The following GRIP1 variants were observed in gnomAD, a reference collection of about 807,000 sequenced individuals.
GRIP1 encodes the protein glutamate receptor interacting protein 1.
GRIP1 carries 45 observed loss-of-function variants against 129.9 expected under a neutral mutation model. The ratio of observed to expected loss-of-function variants is 0.35; its 90% CI spans 0.27 to 0.44. The LOEUF (loss-of-function observed/expected upper bound fraction) is 0.44. Among genes scored for constraint, GRIP1 ranks in the 20% least tolerant of loss-of-function variants. The probability of loss-of-function intolerance (pLI) is 1.00; values close to 1 mark genes in which losing one functional copy is unlikely to be tolerated. For synonymous variants in GRIP1, 530 were observed against 520.8 expected, an observed-to-expected ratio of 1.02 and a Z score of -0.24; for missense variants, 1,196 against 1,396.8, an observed-to-expected ratio of 0.86 and a Z score of 2.29.
chr12:66,886,004 T>A (rs2040559780), intron 1 of GRIP1, among the ~76,000 whole-genome samples: 1 of 152,236 alleles, frequency 6.6e-6, no homozygotes, highest in Admixed American at 6.5e-5. Flanking sequence ...GGTTCACGCC[T>A]GTAATCCCAG....
chr12:67,063,981 C>T (rs2043579300), intron 1 of GRIP1, among the ~76,000 whole-genome samples: 1 of 152,036 alleles, frequency 6.6e-6, no homozygotes, highest in Non-Finnish European at 1.5e-5. Flanking sequence ...ACATTCAATT[C>T]TTGTTAATGC....
chr12:66,568,342 A>G (rs576444757), intron 2 of GRIP1: 1 of 177,610 alleles, frequency 5.6e-6, no homozygotes, highest in African/African-American at 2.4e-5. Context: ...TATGCAAAAA[A>G]TGTCTGCATA....
At chr12:66,368,147 A>G (rs2055261022) in intron 23 of GRIP1, among the ~76,000 whole-genome samples, 1 of 152,204 alleles carries the variant, frequency 6.6e-6, no homozygotes, top group South Asian at 2.1e-4. Flanking sequence ...AACTCTGGAG[A>G]GTAGGTTGAG....
intron 1 of GRIP1, among the ~76,000 whole-genome samples, chr12:67,042,876 A>C (rs1211971366): frequency 6.6e-6 from 1 of 152,244 alleles, no homozygotes. Context: ...ATGAGTGTCC[A>C]GAGGAACAGG....
intron 19 of GRIP1, among the ~76,000 whole-genome samples, chr12:66,385,977 G>A (rs1034884171): frequency 1.3e-5 from 2 of 152,096 alleles, no homozygotes; most frequent in African/African-American, 2.4e-5. Context: ...TTCCATATCT[G>A]ATCTTATACT....
intron 1 of GRIP1, among the ~76,000 whole-genome samples, chr12:66,946,910 G>T (rs147884070): frequency 0.026 from 3,937 of 151,882 alleles, 165 homozygotes; most frequent in African/African-American, 0.09. Context: ...CAGGCGTGGT[G>T]GTTGGCACCT....
At chr12:66,663,241 T>C (rs1255655556) in intron 1 of GRIP1, among the ~76,000 whole-genome samples, 1 of 152,228 alleles carries the variant, frequency 6.6e-6, no homozygotes. Flanking sequence ...AAAATGCTTA[T>C]ATTTTGTGAA....
At chr12:66,680,938 T>A (rs1187890273), upstream of GRIP1, among the ~76,000 whole-genome samples, 1 of 151,878 alleles carries the variant, frequency 6.6e-6, no homozygotes, top group South Asian at 2.1e-4. Context: ...AATGATCAAA[T>A]ATTTTCCCCT....
chr12:67,007,205 T>C (rs2042639482), intron 1 of GRIP1, among the ~76,000 whole-genome samples: 1 of 152,242 alleles, frequency 6.6e-6, no homozygotes, highest in East Asian at 1.9e-4. Flanking sequence ...ATTATGATTT[T>C]CTTCCTGTTG....
chr12:66,954,318 A>G (rs957832745), intron 1 of GRIP1, among the ~76,000 whole-genome samples: 13 of 152,230 alleles, frequency 8.5e-5, no homozygotes, highest in African/African-American at 3.1e-4. Flanking sequence ...GGGAAAACAA[A>G]TTCATTTGTA....
intron 7 of GRIP1, among the ~76,000 whole-genome samples, chr12:66,476,690 G>T (rs1268304508): frequency 1.7e-4 from 26 of 152,004 alleles, no homozygotes; most frequent in Non-Finnish European, 1.0e-4. Flanking sequence ...TGATCAAGTG[G>T]GCTTCATCCC....
intron 8 of GRIP1, among the ~76,000 whole-genome samples, chr12:66,463,301 A>C (rs1004485563): frequency 4.6e-5 from 7 of 151,996 alleles, no homozygotes; most frequent in East Asian, 1.9e-4. Flanking sequence ...AAATAGAGAA[A>C]AATTCAACGA....
chr12:66,836,180 T>C (rs2039609934), intron 1 of GRIP1, among the ~76,000 whole-genome samples: 1 of 152,174 alleles, frequency 6.6e-6, no homozygotes, highest in South Asian at 2.1e-4. Flanking sequence ...GATATAATCA[T>C]AGACAAAACC....
intron 1 of GRIP1, among the ~76,000 whole-genome samples, chr12:66,974,522 G>T (rs1376561624): frequency 6.6e-6 from 1 of 152,128 alleles, no homozygotes; most frequent in Non-Finnish European, 1.5e-5. Flanking sequence ...AAAAGTTGAA[G>T]TGAAAAGATG....
intron 1 of GRIP1, among the ~76,000 whole-genome samples, chr12:66,641,980 T>G (rs1055225204): frequency 1.1e-4 from 16 of 152,340 alleles, no homozygotes; most frequent in African/African-American, 3.8e-4. Context: ...ACTGCTTTAT[T>G]CTTCAACAGA....
intron 1 of GRIP1, among the ~76,000 whole-genome samples, chr12:66,957,490 C>A (rs2041860250): frequency 6.6e-6 from 1 of 151,838 alleles, no homozygotes; most frequent in Non-Finnish European, 1.5e-5. Flanking sequence ...TACTTAGTCA[C>A]CATGTCTCCT....
At chr12:66,929,654 A>T (rs544283955) in intron 1 of GRIP1, among the ~76,000 whole-genome samples, 2 of 151,708 alleles carry the variant, frequency 1.3e-5, no homozygotes, top group African/African-American at 4.9e-5. Context: ...TGCCTGCTCA[A>T]GTATTACCTG....
rs186454260 is a variant in GRIP1 at position 66,633,164 on chromosome 12, C to T, written c.56-36237G>A. On this transcript the variant is annotated intron_variant, in intron 1 of 24. Transcript: ENST00000359742. Reference sequence around the variant, plus strand: ...AGTAGCTGGAACTACATGTGTGTGCCGCTATGCCCGGCTAATTTTTGTGTG... The same window carrying T: ...AGTAGCTGGAACTACATGTGTGTGCTGCTATGCCCGGCTAATTTTTGTGTG... Among the ~76,000 whole-genome samples, 228 of 150,178 alleles carry T rather than the reference C, an allele frequency of 1.5e-3. 3 individuals carry two copies. The highest frequency in any genetic ancestry group is 5.4e-3 in the African/African-American group (220 of 40,842).
intron 1 of GRIP1, among the ~76,000 whole-genome samples, chr12:66,795,254 G>A (rs1398749927): frequency 6.6e-6 from 1 of 152,182 alleles, no homozygotes; most frequent in Non-Finnish European, 1.5e-5. Context: ...GGATGCCACT[G>A]TTGGCGTCAC....
Sources: gnomAD v4.1 joint callset for allele counts (sites outside exome capture counted in the v4.1 genomes callset) on GRCh38, gnomAD v4.1.1 for gene constraint, MANE v1.5 for transcripts, NCBI Gene and HGNC (gene_info 2026-07-23, HGNC 2026-07-21) for gene names.